DNAJC1: variants seen among roughly 807,000 people sequenced by gnomAD.
The protein encoded by DNAJC1 is DnaJ heat shock protein family (Hsp40) member C1, also known as dnaJ homolog subfamily C member 1.
In DNAJC1, 58 loss-of-function variants were observed where a neutral mutation model predicts 76.6. The observed-to-expected ratio is 0.76, with a 90% CI of 0.61 to 0.94. DNAJC1 has a LOEUF of 0.94. Ranked by LOEUF, DNAJC1 falls within the 40% of genes least tolerant of loss-of-function variation. The pLI, the probability that DNAJC1 is intolerant of heterozygous loss-of-function variation, is 0.00. For synonymous variants in DNAJC1, 258 were observed against 267.9 expected, an observed-to-expected ratio of 0.96 and a Z score of 0.36; for missense variants, 689 against 677.3, an observed-to-expected ratio of 1.02 and a Z score of -0.19.
intron 1 of DNAJC1, among the ~76,000 whole-genome samples, chr10:21,966,477 G>A (rs1837891354): frequency 6.7e-6 from 1 of 150,130 alleles, no homozygotes; most frequent in Non-Finnish European, 1.5e-5. Flanking sequence ...TGTTAACTGG[G>A]ATTCTACTGT....
intron 3 of DNAJC1, among the ~76,000 whole-genome samples, chr10:21,923,586 T>A (rs1422573525): frequency 6.6e-6 from 1 of 151,884 alleles, no homozygotes; most frequent in East Asian, 1.9e-4. Context: ...AAGAAAGAAA[T>A]CTCTATGATA....
At chr10:21,873,132 C>A (rs1274778032) in intron 8 of DNAJC1, among the ~76,000 whole-genome samples, 3 of 152,070 alleles carry the variant, frequency 2.0e-5, no homozygotes, top group Non-Finnish European at 4.4e-5. Flanking sequence ...AGATCACGAC[C>A]CTCTCACGTG....
intron 1 of DNAJC1, among the ~76,000 whole-genome samples, chr10:21,932,678 C>G (rs1471578460): frequency 6.6e-6 from 1 of 152,222 alleles, no homozygotes; most frequent in Non-Finnish European, 1.5e-5. Flanking sequence ...GTTTTGACCT[C>G]TCTGTTGGCT....
chr10:21,759,494 C>T lies in DNAJC1; in HGVS notation c.1272G>A (p.Glu424=). 1 of 1,614,204 alleles carries T rather than the reference C, an allele frequency of 6.2e-7. No individual in the cohort carries two copies. Among genetic ancestry groups the T allele is most frequent in the African/African-American group, 1.3e-5 (1 of 75,058 alleles). ...GCTCACCGGAGTCTCCCTCCTGCTCCTCCTCCGCTGCCACCCCCTCTGCGT... is the reference window on the plus strand; with the variant it reads ...GCTCACCGGAGTCTCCCTCCTGCTCTTCCTCCGCTGCCACCCCCTCTGCGT... ...REDAEGVAAE[E]EQEGDSGEQE... is the part of the protein sequence containing the mutation. The change falls in exon 11 of 12, where the codon GAG becomes GAA. Residue 424 remains glutamate, a synonymous_variant. Transcript: ENST00000376980.
intron 7 of DNAJC1, among the ~76,000 whole-genome samples, chr10:21,888,820 T>C (rs1164338311): frequency 6.6e-6 from 1 of 152,022 alleles, no homozygotes; most frequent in Non-Finnish European, 1.5e-5. Context: ...ATGATAACTA[T>C]TGGGTACTGG....
chr10:21,891,173 G>A (rs957769180), intron 7 of DNAJC1, among the ~76,000 whole-genome samples: 1 of 152,060 alleles, frequency 6.6e-6, no homozygotes, highest in Non-Finnish European at 1.5e-5. Context: ...CTGGGCAACA[G>A]AGTGAGACTC....
intron 1 of DNAJC1, among the ~76,000 whole-genome samples, chr10:21,970,633 C>A (rs1364625451): frequency 1.3e-5 from 2 of 151,932 alleles, no homozygotes; most frequent in African/African-American, 4.8e-5. Context: ...GCATCTCTAT[C>A]TAAAGGTGAT....
rs1257688358 is a variant in DNAJC1 at position 22,003,681 on chromosome 10, A to T, written c.-247T>A. The T allele has an allele frequency of 2.5e-6, 1 of 395,510 alleles. No homozygotes were observed. Among genetic ancestry groups the T allele is most frequent in the Non-Finnish European group, 4.4e-6 (1 of 229,062 alleles). 24.5% of individuals were successfully genotyped at this position (395,510 alleles called of 1,614,324 possible). On this transcript the variant is annotated 5_prime_UTR_variant, in exon 1 of 12. Coordinates refer to ENST00000376980, the MANE Select transcript of DNAJC1 (RefSeq NM_022365.4). The stretch of plus-strand genomic sequence containing the variant: ...CTACGTTCCGAAGACCCTCGCCCCC[A>T]GGCCTACACACAGCTGTAGAGGCAG...
At chr10:21,816,287 G>C (rs1835073596) in intron 8 of DNAJC1, among the ~76,000 whole-genome samples, 6 of 151,904 alleles carry the variant, frequency 3.9e-5, no homozygotes, top group Admixed American at 3.9e-4. Context: ...TGGAACCAAA[G>C]AGGAGGAGGT....
intron 9 of DNAJC1, 151 bp downstream of exon 9, chr10:21,805,829 A>C: frequency 1.1e-6 from 1 of 937,830 alleles, no homozygotes; most frequent in Admixed American, 2.2e-5. Flanking sequence ...TCTGCTTCTC[A>C]CTTATTGCAT....
chr10:21,988,640 T>C (rs1278296837), intron 1 of DNAJC1, among the ~76,000 whole-genome samples: 2 of 152,336 alleles, frequency 1.3e-5, no homozygotes, highest in African/African-American at 4.8e-5. Context: ...AAGTTGATTA[T>C]TAAAACAGTC....
chr10:21,974,526 C>G (rs536576252), intron 1 of DNAJC1, among the ~76,000 whole-genome samples: 47 of 152,274 alleles, frequency 3.1e-4, no homozygotes, highest in Middle Eastern at 3.4e-3. Context: ...TTGAAACCTA[C>G]AGTAGGAAAT....
chr10:21,824,013 T>C (rs1835202129), intron 8 of DNAJC1, among the ~76,000 whole-genome samples: 1 of 152,222 alleles, frequency 6.6e-6, no homozygotes, highest in Non-Finnish European at 1.5e-5. Context: ...GACAAATTCC[T>C]TGAGTATCTT....
At position 21,770,412 on chromosome 10, in the gene DNAJC1, T is replaced by C. The variant is rs1222304512; in HGVS notation, c.1099-4103A>G. Among the ~76,000 whole-genome samples, 4 of 148,834 alleles carry C rather than the reference T, an allele frequency of 2.7e-5. No individual in the cohort carries two copies. In the East Asian group the frequency reaches 7.8e-4, roughly 29 times the overall value. On this transcript the variant is annotated intron_variant, in intron 9 of 11. Coordinates refer to ENST00000376980, the MANE Select transcript of DNAJC1 (RefSeq NM_022365.4). ...TTTTTCTTCTTTTTTTTTTTTTTTTTTTTGAGATGGAGTCTAGCTCTGTCG... is the reference window on the plus strand; with the variant it reads ...TTTTTCTTCTTTTTTTTTTTTTTTTCTTTGAGATGGAGTCTAGCTCTGTCG...
At chr10:21,918,675 C>T in intron 6 of DNAJC1, 104 bp downstream of exon 6, 3 of 718,644 alleles carry the variant, frequency 4.2e-6, no homozygotes, top group Non-Finnish European at 7.1e-6. Flanking sequence ...CATTATAAAG[C>T]ATCCACTGCA....
At chr10:21,788,796 T>G (rs1353582091) in intron 9 of DNAJC1, among the ~76,000 whole-genome samples, 2 of 151,996 alleles carry the variant, frequency 1.3e-5, no homozygotes, top group Non-Finnish European at 2.9e-5. Flanking sequence ...GGCTCAAACC[T>G]CCAGAGCACA....
At chr10:21,909,851 G>C (rs1223223180) in intron 6 of DNAJC1, among the ~76,000 whole-genome samples, 12 of 152,158 alleles carry the variant, frequency 7.9e-5, no homozygotes, top group Admixed American at 7.9e-4. Context: ...GCTCCTGAAT[G>C]GTTAGGTAGA....
At chr10:21,961,641 T>C (rs1837793835) in intron 1 of DNAJC1, among the ~76,000 whole-genome samples, 1 of 152,164 alleles carries the variant, frequency 6.6e-6, no homozygotes, top group African/African-American at 2.4e-5. Flanking sequence ...GAGAAAATTT[T>C]GGAAATTTTG....
At chr10:21,813,218 C>CTATATATATA (rs1387541271) in intron 8 of DNAJC1, among the ~76,000 whole-genome samples, 8 of 29,634 alleles carry the variant, frequency 2.7e-4, no homozygotes, top group Non-Finnish European at 4.0e-4. Context: ...CTCTCTCTCT[C>CTATATATATA]TCTATATATA....
Sources: gnomAD v4.1 joint callset for allele counts (sites outside exome capture counted in the v4.1 genomes callset) on GRCh38, gnomAD v4.1.1 for gene constraint, MANE v1.5 for transcripts, NCBI Gene and HGNC (gene_info 2026-07-23, HGNC 2026-07-21) for gene names.